Variants in MEGF11 observed in about 807,000 individuals in gnomAD.
The protein encoded by MEGF11 is multiple EGF like domains 11.
A neutral mutation model predicts 146.6 loss-of-function variants in MEGF11; 126 were observed. The ratio of observed to expected loss-of-function variants is 0.86; its 90% CI spans 0.74 to 1.00. The LOEUF (loss-of-function observed/expected upper bound fraction) is 1.00, where lower values mean the gene tolerates loss of function less well. MEGF11 is among the 50% of genes least tolerant of loss of function. The pLI, the probability that MEGF11 is intolerant of heterozygous loss-of-function variation, is 0.00. For synonymous variants in MEGF11, 532 were observed against 583.4 expected, an observed-to-expected ratio of 0.91 and a Z score of 1.27; for missense variants, 1,509 against 1,521.2, an observed-to-expected ratio of 0.99 and a Z score of 0.13.
intron 1 of MEGF11, among the ~76,000 whole-genome samples, chr15:66,232,231 C>G (rs973928320): frequency 6.6e-6 from 1 of 152,222 alleles, no homozygotes; most frequent in African/African-American, 2.4e-5. Context: ...CCAAGACCTA[C>G]AGGCTGTAGA....
In MEGF11 at chr15:66,162,835, C is replaced by T. The variant is rs115112441; in HGVS notation, c.-8-34424G>A. On this transcript the variant is annotated intron_variant, in intron 1 of 25. Transcript: ENST00000395614. ...AAGGAAAAGTAAGAAAAAATTTTTT[C>T]GAGGAAAAGAAATGAGAGAGAAAAA... Among the ~76,000 whole-genome samples the T allele has an allele frequency of 7.6e-3, 1,156 of 151,222 alleles. 21 individuals carry two copies. Among genetic ancestry groups the T allele is most frequent in the African/African-American group, 0.027 (1,094 of 41,154 alleles).
chr15:66,197,313 T>C (rs2091032222), intron 1 of MEGF11, among the ~76,000 whole-genome samples: 1 of 152,234 alleles, frequency 6.6e-6, no homozygotes, highest in Non-Finnish European at 1.5e-5. Flanking sequence ...TCCCAGGCTC[T>C]GAGATGTCTC....
At chr15:66,227,837 T>C (rs987822713) in intron 1 of MEGF11, among the ~76,000 whole-genome samples, 4 of 152,184 alleles carry the variant, frequency 2.6e-5, no homozygotes, top group Admixed American at 6.5e-5. Context: ...GACAGTAGAT[T>C]CTTTTATGCT....
intron 1 of MEGF11, among the ~76,000 whole-genome samples, chr15:66,189,358 G>A (rs1567277548): frequency 6.6e-6 from 1 of 152,104 alleles, no homozygotes; most frequent in South Asian, 2.1e-4. Flanking sequence ...TAAACATAAC[G>A]AATGTGGGTA....
chr15:66,236,126 G>A lies in MEGF11; in HGVS notation c.-9+17479C>T, dbSNP rs80215745. Among the ~76,000 whole-genome samples, 617 of 152,244 alleles carry A rather than the reference G, an allele frequency of 4.1e-3. 17 individuals are homozygous for A. The East Asian group carries it at 0.08, about 20-fold the overall frequency. On this transcript the variant is annotated intron_variant, in intron 1 of 25. Coordinates refer to ENST00000395614, the MANE Select transcript of MEGF11 (RefSeq NM_001385028.1). ...GGATGAGTAAGAGTCAGCCACATAA[G>A]GAAGGTAGGAAGGGCTTTGCAGTCA... is the stretch of plus-strand genomic sequence containing the variant.
chr15:65,983,151 C>T (rs1467010722), intron 5 of MEGF11, among the ~76,000 whole-genome samples: 1 of 152,192 alleles, frequency 6.6e-6, no homozygotes, highest in Admixed American at 6.5e-5. Flanking sequence ...GCCTACGCCC[C>T]CTGGTTGCTT....
At chr15:66,109,895 C>T (rs74342722) in intron 4 of MEGF11, among the ~76,000 whole-genome samples, 5,187 of 152,266 alleles carry the variant, frequency 0.034, 277 homozygotes, top group African/African-American at 0.11. Flanking sequence ...GGCTGGACAC[C>T]GTGCCTGGCC....
intron 10 of MEGF11, among the ~76,000 whole-genome samples, chr15:65,933,513 T>G (rs2141323992): frequency 6.6e-6 from 1 of 152,284 alleles, no homozygotes; most frequent in South Asian, 2.1e-4. Context: ...GAAGCCAAGC[T>G]CGACACATCT....
intron 13 of MEGF11, among the ~76,000 whole-genome samples, chr15:65,923,509 T>C (rs546218623): frequency 5.3e-5 from 8 of 152,308 alleles, no homozygotes; most frequent in African/African-American, 1.9e-4. Context: ...GGTAGGATCT[T>C]TTCAGATTCT....
chr15:66,172,506 T>C (rs2090287954), intron 1 of MEGF11, among the ~76,000 whole-genome samples: 1 of 152,146 alleles, frequency 6.6e-6, no homozygotes, highest in Non-Finnish European at 1.5e-5. Context: ...TTTACTGGAC[T>C]GGGCTTTCCC....
At chr15:66,077,626 C>T (rs1019877292) in intron 5 of MEGF11, among the ~76,000 whole-genome samples, 13 of 152,214 alleles carry the variant, frequency 8.5e-5, no homozygotes, top group Non-Finnish European at 1.9e-4. Context: ...TGCCAGGCAG[C>T]ATGAGGTGCT....
chr15:65,925,364 GTTA>G (rs1229440729), intron 13 of MEGF11, among the ~76,000 whole-genome samples: 1 of 152,242 alleles, frequency 6.6e-6, no homozygotes, highest in Non-Finnish European at 1.5e-5. Context: ...GGACTTGGCA[GTTA>G]TTATATTCTG....
intron 1 of MEGF11, among the ~76,000 whole-genome samples, chr15:66,198,652 A>AT (rs34986709): frequency 6.6e-6 from 1 of 151,682 alleles, no homozygotes; most frequent in Non-Finnish European, 1.5e-5. Flanking sequence ...CACCTGGCTA[A>AT]TTTTTTTGTT....
chr15:65,939,789 A>T (rs1194778181), intron 10 of MEGF11, among the ~76,000 whole-genome samples: 1 of 152,114 alleles, frequency 6.6e-6, no homozygotes, highest in Non-Finnish European at 1.5e-5. Context: ...CACCGTGCCC[A>T]GCCCTCTTTA....
At chr15:66,207,683 T>A (rs1004865514) in intron 1 of MEGF11, among the ~76,000 whole-genome samples, 4 of 152,230 alleles carry the variant, frequency 2.6e-5, no homozygotes, top group Non-Finnish European at 5.9e-5. Flanking sequence ...TGTTGTAACT[T>A]TTTTTACCTA....
chr15:66,133,436 A>G (rs899085), intron 1 of MEGF11, among the ~76,000 whole-genome samples: 103,805 of 152,138 alleles, frequency 0.68, 36,456 homozygotes, highest in South Asian at 0.84. Flanking sequence ...TGGGTGGAGA[A>G]AGAGCTTTCT....
intron 5 of MEGF11, among the ~76,000 whole-genome samples, chr15:66,033,942 C>G (rs2083629447): frequency 6.6e-6 from 1 of 152,176 alleles, no homozygotes; most frequent in African/African-American, 2.4e-5. Context: ...AGGCGCCCAC[C>G]ACCACACCCA....
intron 1 of MEGF11, among the ~76,000 whole-genome samples, chr15:66,162,781 T>C (rs1020634818): frequency 6.6e-6 from 1 of 151,998 alleles, no homozygotes; most frequent in African/African-American, 2.4e-5. Flanking sequence ...TTGTGCACTT[T>C]ACTGCTTATC....
chr15:65,945,795 C>G (rs1051133802), intron 10 of MEGF11, among the ~76,000 whole-genome samples: 1 of 152,150 alleles, frequency 6.6e-6, no homozygotes, highest in Non-Finnish European at 1.5e-5. Flanking sequence ...TCCATCACCC[C>G]CAAGGCCACA....
Sources: gnomAD v4.1 joint callset for allele counts (sites outside exome capture counted in the v4.1 genomes callset) on GRCh38, gnomAD v4.1.1 for gene constraint, MANE v1.5 for transcripts, NCBI Gene and HGNC (gene_info 2026-07-23, HGNC 2026-07-21) for gene names.